G3BP2: variants seen among roughly 807,000 people sequenced by gnomAD.
G3BP2 encodes the protein ras GTPase-activating protein-binding protein 2.
In G3BP2, 11 loss-of-function variants were observed where a neutral mutation model predicts 56.7. That is an observed-to-expected ratio of 0.19 (90% confidence interval 0.12 to 0.32). The LOEUF (loss-of-function observed/expected upper bound fraction) is 0.32. G3BP2 is among the 10% of genes least tolerant of loss of function. The pLI is 1.00. For missense variants in G3BP2, 340 were observed against 610.9 expected (o/e 0.56, Z 4.67); for synonymous variants, 165 against 191.6 (o/e 0.86, Z 1.15).
chr4:75,714,266 G>A (rs1312303979), intron 3 of G3BP2, among the ~76,000 whole-genome samples: 2 of 152,170 alleles, frequency 1.3e-5, no homozygotes, highest in Admixed American at 1.3e-4. Flanking sequence ...AAGTATTTAG[G>A]TGGTCAAGTG....
chr4:75,714,885 T>C (rs1719878514), intron 3 of G3BP2, among the ~76,000 whole-genome samples: 1 of 152,116 alleles, frequency 6.6e-6, no homozygotes, highest in South Asian at 2.1e-4. Context: ...AATTCCAGCT[T>C]GCATCCAAGC....
At chr4:75,650,008 T>A (rs961237401) in intron 8 of G3BP2, among the ~76,000 whole-genome samples, 2 of 151,866 alleles carry the variant, frequency 1.3e-5, no homozygotes, top group African/African-American at 4.8e-5. Flanking sequence ...TGAAACTCCT[T>A]CTCACAGAAA....
Position 75,662,326 on chromosome 4 carries a change from G to A in G3BP2, c.-24-277C>T, listed in dbSNP as rs369556007. 82 of 207,610 alleles carry A rather than the reference G, an allele frequency of 3.9e-4. No homozygotes were observed. The East Asian group carries it at 8.9e-3, about 22-fold the overall frequency. 12.9% of individuals were successfully genotyped at this position (207,610 alleles called of 1,614,324 possible). Reference sequence around the variant, plus strand: ...CAACCTCCGCCTCCCGGGTTCAAGCGATTCTCCTGCCTCAGCCTCCCGAGT... The same window carrying A: ...CAACCTCCGCCTCCCGGGTTCAAGCAATTCTCCTGCCTCAGCCTCCCGAGT... On this transcript the variant is annotated intron_variant, in intron 1 of 11. Transcript: ENST00000359707.
At chr4:75,721,266 T>TG (rs1477713467) in intron 2 of G3BP2, among the ~76,000 whole-genome samples, 14 of 149,530 alleles carry the variant, frequency 9.4e-5, no homozygotes, top group African/African-American at 3.0e-4. Context: ...TTTTTTTTTT[T>TG]GGGACAGGGT....
chr4:75,648,375 A>C (rs1731403065), intron 9 of G3BP2, among the ~76,000 whole-genome samples: 1 of 151,834 alleles, frequency 6.6e-6, no homozygotes, highest in Non-Finnish European at 1.5e-5. Context: ...CAAAAAAAAA[A>C]AACAAAAAAC....
Position 75,643,192 on chromosome 4 carries a change from T to C in G3BP2, c.*2238A>G, listed in dbSNP as rs1397806546. The C allele has an allele frequency of 2.0e-5, 3 of 151,918 alleles. No homozygotes were observed. The highest frequency in any genetic ancestry group is 7.3e-5 in the African/African-American group (3 of 41,226). 9.4% of individuals were successfully genotyped at this position (151,918 alleles called of 1,614,324 possible). A position where few individuals can be genotyped will look rare whatever the true frequency, so the allele number is the denominator to read the frequency against. ...ATGGTATGTAAAGACTGAAGCTGAA[T>C]GGCTCTTTGCTCTACTTTTCTATTA... On this transcript the variant is annotated 3_prime_UTR_variant, in exon 12 of 12. Coordinates refer to ENST00000359707, the MANE Select transcript of G3BP2 (RefSeq NM_203505.3).
At chr4:75,699,840 C>T (rs1293480932) in intron 3 of G3BP2, among the ~76,000 whole-genome samples, 2 of 152,084 alleles carry the variant, frequency 1.3e-5, no homozygotes, top group Non-Finnish European at 2.9e-5. Context: ...CATTTTAACA[C>T]ATGCTCATAA....
intron 3 of G3BP2, among the ~76,000 whole-genome samples, chr4:75,684,281 T>C (rs1718473969): frequency 6.6e-6 from 1 of 152,076 alleles, no homozygotes; most frequent in South Asian, 2.1e-4. Context: ...GGCATGTGCC[T>C]GTAGTCCCAG....
chr4:75,701,189 A>AT (rs2149095234), intron 3 of G3BP2, among the ~76,000 whole-genome samples: 1 of 152,112 alleles, frequency 6.6e-6, no homozygotes, highest in East Asian at 1.9e-4. Flanking sequence ...TATTTTTCTT[A>AT]TCCCCCCCAA....
intron 1 of G3BP2, among the ~76,000 whole-genome samples, chr4:75,669,808 A>G (rs1733340935): frequency 1.3e-5 from 2 of 152,216 alleles, no homozygotes; most frequent in Non-Finnish European, 2.9e-5. Flanking sequence ...AAAAGGAAAA[A>G]GAGGCCGGGT....
intron 1 of G3BP2, among the ~76,000 whole-genome samples, chr4:75,723,231 C>T (rs11934086): frequency 0.035 from 5,344 of 152,250 alleles, 300 homozygotes; most frequent in African/African-American, 0.12. Flanking sequence ...GGAGCTAAAT[C>T]ATAACAGGCC....
At chr4:75,706,661 G>C (rs1304310967) in intron 3 of G3BP2, among the ~76,000 whole-genome samples, 1 of 133,894 alleles carries the variant, frequency 7.5e-6, no homozygotes, top group East Asian at 2.3e-4. Context: ...TGGGCAACAA[G>C]AGCGAAACTC....
At chr4:75,710,285 G>T (rs761142185) in intron 3 of G3BP2, among the ~76,000 whole-genome samples, 7 of 152,064 alleles carry the variant, frequency 4.6e-5, no homozygotes, top group Non-Finnish European at 8.8e-5. Context: ...GGTGGATGAC[G>T]ACATGAGAAA....
rs113019972 is a variant in G3BP2, at chr4:75,694,741, A to AAAAC, written c.-25+26132_-25+26135dup. ...CAACAAGAGCGAGACTCTGTCTCGA[A>AAAAC]AAACAAACAAACAAACAAACAAACA... On this transcript the variant is annotated intron_variant, in intron 3 of 3. Coordinates refer to the G3BP2 transcript ENST00000499709. 5.8e-3 allele frequency: 5,733 copies of AAAAC among 983,146 alleles called. 157 individuals are homozygous for AAAAC. The East Asian group carries it at 0.12, about 21-fold the overall frequency. 60.9% of individuals were successfully genotyped at this position (983,146 alleles called of 1,614,324 possible).
chr4:75,683,542 C>A (rs183297533), intron 3 of G3BP2, among the ~76,000 whole-genome samples: 3 of 151,328 alleles, frequency 2.0e-5, no homozygotes, highest in Admixed American at 2.0e-4. Flanking sequence ...CCAGCCTGGA[C>A]AACGAGCGAA....
chr4:75,659,357 A>G (rs949482990), intron 2 of G3BP2, among the ~76,000 whole-genome samples: 2 of 152,220 alleles, frequency 1.3e-5, no homozygotes, highest in African/African-American at 4.8e-5. Context: ...CTGTATCCAG[A>G]TCTCCAAATG....
At chr4:75,663,067 A>C (rs751426942) in intron 1 of G3BP2, among the ~76,000 whole-genome samples, 4 of 152,226 alleles carry the variant, frequency 2.6e-5, no homozygotes, top group Non-Finnish European at 1.5e-5. Flanking sequence ...GCATCTAACT[A>C]CATGAGATAC....
intron 3 of G3BP2, among the ~76,000 whole-genome samples, chr4:75,700,686 T>G (rs1383538442): frequency 2.7e-5 from 4 of 150,198 alleles, no homozygotes; most frequent in African/African-American, 9.8e-5. Context: ...TCCAAAGTGC[T>G]GGGATTACAG....
chr4:75,705,302 C>T (rs1412234432), intron 3 of G3BP2, among the ~76,000 whole-genome samples: 3 of 152,228 alleles, frequency 2.0e-5, no homozygotes, highest in Admixed American at 6.5e-5. Context: ...GCTGCGCCTA[C>T]AGGCTACCTG....
Sources: gnomAD v4.1 joint callset for allele counts (sites outside exome capture counted in the v4.1 genomes callset) on GRCh38, gnomAD v4.1.1 for gene constraint, MANE v1.5 for transcripts, NCBI Gene and HGNC (gene_info 2026-07-23, HGNC 2026-07-21) for gene names.